Variants in MINDY2 observed in about 807,000 individuals in gnomAD.
MINDY2 encodes MINDY lysine 48 deubiquitinase 2, also known as ubiquitin carboxyl-terminal hydrolase MINDY-2.
A neutral mutation model predicts 68.2 loss-of-function variants in MINDY2; 52 were observed. The ratio of observed to expected loss-of-function variants is 0.76; its 90% CI spans 0.61 to 0.96. The LOEUF is 0.96. MINDY2 is among the 40% of genes least tolerant of loss of function. The pLI is 0.00. For synonymous variants in MINDY2, 372 were observed against 303.0 expected (o/e 1.23, Z -2.36); for missense variants, 881 against 773.4 (o/e 1.14, Z -1.65).
rs2033115829 is a variant in MINDY2 at position 58,858,061 on chromosome 15, CAATTT to C, written c.*3454_*3458del. On this transcript the variant is annotated 3_prime_UTR_variant, in exon 9 of 9. Transcript: ENST00000559228. The stretch of plus-strand genomic sequence containing the variant: ...AGATTCTCAAAAGAATTCAGAACTT[CAATTT>C]AAGAATCACCATTTTAAGAATACAT... 6.6e-6 allele frequency: 1 copy of C among 152,086 alleles called. No homozygotes were observed. The highest frequency in any genetic ancestry group is 6.6e-5 in the Admixed American group (1 of 15,260). The allele number at this position is 152,086 out of a possible 1,614,324, so 9.4% of individuals were successfully genotyped here.
intron 4 of MINDY2, among the ~76,000 whole-genome samples, chr15:58,815,900 G>A (rs1328761360): frequency 2.6e-5 from 4 of 151,578 alleles, no homozygotes; most frequent in Admixed American, 6.6e-5. Flanking sequence ...GGATGGTCTC[G>A]ATCTCTTGAC....
intron 3 of MINDY2, among the ~76,000 whole-genome samples, chr15:58,803,151 C>T (rs1902776947): frequency 6.6e-6 from 1 of 152,100 alleles, no homozygotes; most frequent in South Asian, 2.1e-4. Flanking sequence ...TTCAGATAAT[C>T]TAGTCTTAAT....
At chr15:58,773,729 A>G (rs1362053541) in intron 1 of MINDY2, among the ~76,000 whole-genome samples, 1 of 152,054 alleles carries the variant, frequency 6.6e-6, no homozygotes, top group African/African-American at 2.4e-5. Context: ...AAGACAAATT[A>G]GAGCAATTTA....
At chr15:58,835,202 A>G (rs1188813577) in intron 6 of MINDY2, among the ~76,000 whole-genome samples, 1 of 151,326 alleles carries the variant, frequency 6.6e-6, no homozygotes, top group Non-Finnish European at 1.5e-5. Context: ...TAATTACACA[A>G]ATAATTATTA....
chr15:58,793,816 A>G (rs1177233554), intron 2 of MINDY2, among the ~76,000 whole-genome samples: 1 of 152,106 alleles, frequency 6.6e-6, no homozygotes, highest in African/African-American at 2.4e-5. Flanking sequence ...GGGAGTGAGG[A>G]TGAGGGGAGG....
intron 1 of MINDY2, among the ~76,000 whole-genome samples, chr15:58,787,020 G>A (rs1207695184): frequency 6.6e-6 from 1 of 152,138 alleles, no homozygotes; most frequent in African/African-American, 2.4e-5. Context: ...AGTAGAGGCA[G>A]GGTTTCACCA....
Position 58,847,285 on chromosome 15 carries a change from C to T in MINDY2, c.1369-12C>T, listed in dbSNP as rs768794685. The T allele has an allele frequency of 9.2e-6, 14 of 1,524,444 alleles. No homozygotes were observed. In the Admixed American group the frequency reaches 9.8e-5, roughly 11 times the overall value. 94.4% of individuals were successfully genotyped at this position (1,524,444 alleles called of 1,614,324 possible). On this transcript the variant is annotated splice_polypyrimidine_tract_variant and intron_variant, in intron 6 of 8. Transcript: ENST00000559228. ...TTTAACAGTCCTTTTTCTTTTGTTA[C>T]TTCTTATTAAGGGTCAACTGTATTT...
intron 3 of MINDY2, among the ~76,000 whole-genome samples, chr15:58,803,960 A>T (rs1429248959): frequency 1.1e-3 from 163 of 150,990 alleles, no homozygotes; most frequent in African/African-American, 3.7e-3. Context: ...AAAAAAAAAA[A>T]AAAAAAAAAT....
Position 58,854,523 on chromosome 15 carries a change from A to C in MINDY2, c.1779A>C (p.Gln593His), listed in dbSNP as rs767972711. 6.2e-7 allele frequency: 1 copy of C among 1,613,972 alleles called. No individual in the cohort carries two copies. The highest frequency in any genetic ancestry group is 1.3e-5 in the African/African-American group (1 of 75,048). Residue 593 changes from glutamine to histidine, a missense_variant, in exon 9 of 9, where the codon CAA (glutamine) becomes CAC (histidine). Coordinates refer to ENST00000559228, the MANE Select transcript of MINDY2 (RefSeq NM_001040450.3). ...PAQASPSSGR[Q>H]SGNSERKRKE... ...AAGCCTCTCCATCAAGTGGAAGACA[A>C]TCTGGGAATAGTGAACGTAAACGGA...
At chr15:58,810,057 T>G (rs1411671335) in intron 3 of MINDY2, among the ~76,000 whole-genome samples, 173 bp from the exon 4 acceptor site, 1 of 152,228 alleles carries the variant, frequency 6.6e-6, no homozygotes, top group Non-Finnish European at 1.5e-5. Context: ...TGTTGTATCT[T>G]TCAAACTCCA....
intron 6 of MINDY2, among the ~76,000 whole-genome samples, chr15:58,843,594 A>C (rs559718530): frequency 2.6e-5 from 4 of 152,248 alleles, no homozygotes; most frequent in African/African-American, 9.6e-5. Flanking sequence ...TACATGGAGT[A>C]GTTACTTGTA....
intron 2 of MINDY2, among the ~76,000 whole-genome samples, chr15:58,789,601 G>C (rs372877912): frequency 6.6e-6 from 1 of 151,822 alleles, no homozygotes; most frequent in Non-Finnish European, 1.5e-5. Flanking sequence ...GGGACTGCAC[G>C]CACATGCTAC....
At chr15:58,831,563 A>G (rs1281791514) in intron 5 of MINDY2, among the ~76,000 whole-genome samples, 2 of 152,254 alleles carry the variant, frequency 1.3e-5, no homozygotes, top group African/African-American at 4.8e-5. Flanking sequence ...AGAATTTCAC[A>G]TAACTATTTA....
chr15:58,835,820 T>C (rs12437928), intron 6 of MINDY2, among the ~76,000 whole-genome samples: 38,633 of 152,024 alleles, frequency 0.25, 5,381 homozygotes, highest in East Asian at 0.61. Context: ...AAAGTCAGTG[T>C]CCCTGAAACA....
At chr15:58,814,183 A>G (rs112355711) in intron 4 of MINDY2, among the ~76,000 whole-genome samples, 160 of 151,860 alleles carry the variant, frequency 1.1e-3, no homozygotes, top group Non-Finnish European at 1.8e-3. Flanking sequence ...CAGGTGATCC[A>G]CCCGCTTCGG....
At chr15:58,801,863 C>T (rs1902685590) in intron 2 of MINDY2, among the ~76,000 whole-genome samples, 1 of 152,172 alleles carries the variant, frequency 6.6e-6, no homozygotes, top group African/African-American at 2.4e-5. Context: ...GATGATCCAC[C>T]CACCTCAGCC....
At position 58,851,829 on chromosome 15, in the gene MINDY2, A is replaced by G. The variant is rs372692376; in HGVS notation, c.1601A>G (p.Glu534Gly). 2.0e-5 allele frequency: 32 copies of G among 1,612,432 alleles called. No homozygotes were observed. Among genetic ancestry groups the G allele is most frequent in the Non-Finnish European group, 2.7e-5 (32 of 1,179,536 alleles). Residue 534 changes from glutamate (E) to glycine (G), a missense_variant, in exon 8 of 9, where the codon GAA becomes GGA. Physicochemically the swap from Glu to Gly is moderately conservative, Grantham distance 98. Transcript: ENST00000559228. ...CAGCAGAGCCAAGAGATCAATTGGGAACAAATCCCGGAAGGAATCAGTGAT... is the reference window on the plus strand; with the variant it reads ...CAGCAGAGCCAAGAGATCAATTGGGGACAAATCCCGGAAGGAATCAGTGAT... ...QEQQSQEINW[E>G]QIPEGISDLE...
chr15:58,804,838 CTGTT>C (rs1462764690), intron 3 of MINDY2, among the ~76,000 whole-genome samples: 5 of 151,540 alleles, frequency 3.3e-5, no homozygotes, highest in African/African-American at 1.2e-4. Flanking sequence ...GAAAAGAAAA[CTGTT>C]TGCAGCCAGT....
At chr15:58,827,703 C>T (rs543715027) in intron 5 of MINDY2, among the ~76,000 whole-genome samples, 1 of 152,070 alleles carries the variant, frequency 6.6e-6, no homozygotes, top group African/African-American at 2.4e-5. Context: ...TCTCCCGCCT[C>T]GTCCTCCCAA....
Sources: allele counts gnomAD v4.1 joint callset (sites outside exome capture counted in the v4.1 genomes callset), GRCh38; gene constraint gnomAD v4.1.1; transcripts MANE v1.5; gene names NCBI Gene and HGNC (gene_info 2026-07-23, HGNC 2026-07-21).